Variants in TTLL9 observed in about 807,000 individuals in gnomAD.
TTLL9 encodes probable tubulin polyglutamylase TTLL9.
Under a neutral mutation model 65.6 loss-of-function variants are expected in TTLL9, and 47 were observed. That is an observed-to-expected ratio of 0.72 (90% CI 0.57 to 0.91). TTLL9 has a LOEUF of 0.91. Ranked by LOEUF, TTLL9 falls within the 40% of genes least tolerant of loss-of-function variation. TTLL9 has a pLI of 0.00. For missense variants in TTLL9, 537 were observed against 568.8 expected, an observed-to-expected ratio of 0.94 and a Z score of 0.57; for synonymous variants, 179 against 204.8, an observed-to-expected ratio of 0.87 and a Z score of 1.07.
chr20:31,934,627 G>C, intron 11 of TTLL9, 65 bp from the exon 12 acceptor site: 1 of 1,422,436 alleles, frequency 7.0e-7, no homozygotes, highest in Non-Finnish European at 9.6e-7. Flanking sequence ...ATTGTGTAAG[G>C]GTCCTAGCAG....
chr20:31,874,225 A>G (rs1287806841), intron 2 of TTLL9, among the ~76,000 whole-genome samples: 1 of 152,208 alleles, frequency 6.6e-6, no homozygotes, highest in Non-Finnish European at 1.5e-5. Context: ...GGAAGATGCT[A>G]AAATGTGGGT....
At chr20:31,934,990 C>A in intron 12 of TTLL9, 102 bp downstream of exon 12, 1 of 1,133,358 alleles carries the variant, frequency 8.8e-7, no homozygotes, top group Non-Finnish European at 1.3e-6. Flanking sequence ...AGTTGTATAA[C>A]CTTGTGCACA....
chr20:31,937,197 C>T (rs1190550815), intron 12 of TTLL9, among the ~76,000 whole-genome samples, 199 bp from the exon 13 acceptor site: 2 of 151,758 alleles, frequency 1.3e-5, no homozygotes, highest in South Asian at 4.2e-4. Context: ...TGACTTGAGG[C>T]CAGGAGTTTG....
intron 2 of TTLL9, among the ~76,000 whole-genome samples, chr20:31,884,855 C>T (rs911902795): frequency 6.6e-6 from 1 of 152,220 alleles, no homozygotes; most frequent in Admixed American, 6.5e-5. Context: ...TTAAATCCCC[C>T]TTGCGTTCTA....
chr20:31,871,058 C>T, intron 1 of TTLL9, 64 bp from the exon 2 acceptor site: 4 of 1,470,118 alleles, frequency 2.7e-6, no homozygotes, highest in Non-Finnish European at 3.8e-6. Flanking sequence ...CTCATTCACT[C>T]GTCCATCTTC....
chr20:31,896,036 C>T (rs1296138617), intron 3 of TTLL9, among the ~76,000 whole-genome samples: 1 of 151,954 alleles, frequency 6.6e-6, no homozygotes, highest in Non-Finnish European at 1.5e-5. Flanking sequence ...GATGGGGTTT[C>T]ACCATGTTGT....
chr20:31,928,612 C>G (rs1232395228), intron 10 of TTLL9, among the ~76,000 whole-genome samples: 1 of 151,830 alleles, frequency 6.6e-6, no homozygotes, highest in Non-Finnish European at 1.5e-5. Flanking sequence ...TAATAGTATA[C>G]AGTCATCACC....
chr20:31,922,822 A>C (rs2063832493), intron 7 of TTLL9, 141 bp from the exon 8 acceptor site: 1 of 622,630 alleles, frequency 1.6e-6, no homozygotes, highest in Non-Finnish European at 2.8e-6. Flanking sequence ...TAATCTGTGA[A>C]ATGGAAATAA....
chr20:31,905,227 C>T (rs970224797), intron 4 of TTLL9, among the ~76,000 whole-genome samples: 7 of 152,112 alleles, frequency 4.6e-5, no homozygotes, highest in Admixed American at 2.0e-4. Flanking sequence ...ACTGCCACCA[C>T]GCTGGGCTAG....
At chr20:31,880,074 C>A (rs1262633212) in intron 2 of TTLL9, among the ~76,000 whole-genome samples, 1 of 152,058 alleles carries the variant, frequency 6.6e-6, no homozygotes, top group African/African-American at 2.4e-5. Flanking sequence ...GAAAAAAAGC[C>A]GAGGAACTCA....
At chr20:31,905,761 C>T (rs1000339478) in intron 4 of TTLL9, among the ~76,000 whole-genome samples, 45 of 152,244 alleles carry the variant, frequency 3.0e-4, no homozygotes, top group African/African-American at 8.4e-4. Flanking sequence ...AGGCCGGGCG[C>T]GGTGGCTCAC....
Position 31,934,858 on chromosome 20 carries a change from A to G in TTLL9, c.974A>G (p.Tyr325Cys), listed in dbSNP as rs775127551. 7 of 1,613,490 alleles carry G rather than the reference A, an allele frequency of 4.3e-6. No homozygotes were observed. The highest frequency in any genetic ancestry group is 5.9e-6 in the Non-Finnish European group (7 of 1,179,712). Residue 325 changes from tyrosine (Y) to cysteine (C), a missense_variant, in exon 12 of 15, where the codon TAT becomes TGT. Around this residue, in one of 3 missense-constraint regions of TTLL9, gnomAD observed 205 missense variants for 225.9 expected, o/e 0.91. Coordinates refer to ENST00000535842, the MANE Select transcript of TTLL9 (RefSeq NM_001008409.5). ...SDKHCFELYGYDILIDQDLKP... is the reference protein window; with the variant it reads ...SDKHCFELYGCDILIDQDLKP... The stretch of plus-strand genomic sequence containing the variant: ...AAGCACTGCTTCGAGCTGTACGGCT[A>G]TGACATCCTCATCGACCAGGACCTC...
Position 31,943,878 on chromosome 20 carries a change from T to C in TTLL9, c.*857T>C. The stretch of plus-strand genomic sequence containing the variant: ...AAAATCTGCCTTTTCACATCTTACA[T>C]TGCTAAGCTTCCTCTTGGTTTAAGA... On this transcript the variant is annotated 3_prime_UTR_variant, in exon 15 of 15. Transcript: ENST00000535842. 2 of 455,980 alleles carry C rather than the reference T, an allele frequency of 4.4e-6. No individual in the cohort carries two copies. The highest frequency in any genetic ancestry group is 2.4e-5 in the Admixed American group (1 of 42,530). 28.2% of individuals were successfully genotyped at this position (455,980 alleles called of 1,614,324 possible).
chr20:31,934,324 C>G (rs187949275), intron 11 of TTLL9: 5 of 517,844 alleles, frequency 9.7e-6, no homozygotes, highest in Admixed American at 2.3e-5. Context: ...CTCCCCAGCT[C>G]CATCCCACAG....
chr20:31,873,687 AAAGAAAG>A (rs2062975860), intron 2 of TTLL9, among the ~76,000 whole-genome samples: 1 of 28,852 alleles, frequency 3.5e-5, no homozygotes, highest in Non-Finnish European at 7.8e-5. Context: ...AGAGAGAGAG[AAAGAAAG>A]AAAGAAAGAA....
At position 31,892,875 on chromosome 20, in the gene TTLL9, C is replaced by G. The variant is rs183081168; in HGVS notation, c.114-5598C>G. 3.3e-5 allele frequency among the ~76,000 whole-genome samples: 5 copies of G among 152,274 alleles called. No homozygotes were observed. The East Asian group carries it at 9.6e-4, about 29-fold the overall frequency. On this transcript the variant is annotated intron_variant, in intron 3 of 14. Transcript: ENST00000535842. ...ACACTTCTGTTTGCTCCCCTCTGAT[C>G]GTTTGTGCTGCTATTTTTGTCATAT...
Position 31,908,688 on chromosome 20 carries a change from C to CTT in TTLL9, c.304_305insTT (p.Arg102LeufsTer7), listed in dbSNP as rs773084201. ...TGAACATGTGCGGATCAGTCACTTC[C>CTT]GGAACCACTATGAGGTGAGCTGGGC... On this transcript the variant is annotated frameshift_variant, in exon 5 of 15. Transcript: ENST00000535842. LOFTEE classifies it high-confidence loss of function. The CTT allele has an allele frequency of 8.8e-5, 142 of 1,613,904 alleles. No homozygotes were observed. The highest frequency in any genetic ancestry group is 1.2e-4 in the Non-Finnish European group (138 of 1,179,950).
intron 3 of TTLL9, among the ~76,000 whole-genome samples, chr20:31,894,175 C>T (rs187074110): frequency 7.2e-6 from 1 of 139,236 alleles, no homozygotes; most frequent in Non-Finnish European, 1.5e-5. Flanking sequence ...GCGATCATGG[C>T]TCACTGCAGC....
intron 2 of TTLL9, among the ~76,000 whole-genome samples, chr20:31,880,186 T>C (rs1014749820): frequency 6.6e-6 from 1 of 152,144 alleles, no homozygotes; most frequent in Admixed American, 6.5e-5. Context: ...ACAGTGGGAC[T>C]CTAAGCTCCG....
Sources: gnomAD v4.1 joint callset for allele counts (sites outside exome capture counted in the v4.1 genomes callset) on GRCh38, gnomAD v4.1.1 for gene constraint, gnomAD v4.1.1 regional missense constraint, MANE v1.5 for transcripts, NCBI Gene and HGNC (gene_info 2026-07-23, HGNC 2026-07-21) for gene names.